Variants in ORC4 observed in about 807,000 individuals in gnomAD.
ORC4 encodes the protein origin recognition complex, subunit 4 homolog.
ORC4 carries 55 observed loss-of-function variants against 63.9 expected under a neutral mutation model. The observed-to-expected ratio is 0.86, with a 90% CI of 0.69 to 1.08. The LOEUF (loss-of-function observed/expected upper bound fraction) is 1.08. ORC4 is among the 50% of genes least tolerant of loss of function. ORC4 has a pLI of 0.00. For synonymous variants in ORC4, 150 were observed against 168.5 expected (o/e 0.89, Z 0.85); for missense variants, 511 against 504.4 (o/e 1.01, Z -0.13).
At chr2:147,974,537 A>G (rs575846842) in intron 2 of ORC4, among the ~76,000 whole-genome samples, 1 of 151,938 alleles carries the variant, frequency 6.6e-6, no homozygotes, top group South Asian at 2.1e-4. Context: ...TGGGAGGCTG[A>G]GGCAGGAGAA....
rs1687991912 is a variant in ORC4, at chr2:147,935,387, G to A, written c.*123C>T. The stretch of plus-strand genomic sequence containing the variant: ...AAGACACAGCCAAGACAGTAGATGG[G>A]CAAGTCTCACATAAATACAAGAATG... On this transcript the variant is annotated 3_prime_UTR_variant, in exon 14 of 14. Transcript: ENST00000392857. 1.3e-6 allele frequency: 1 copy of A among 752,550 alleles called. No homozygotes were observed. The highest frequency in any genetic ancestry group is 1.5e-5 in the South Asian group (1 of 66,104). 46.6% of individuals were successfully genotyped at this position (752,550 alleles called of 1,614,324 possible). A position where few individuals can be genotyped will look rare whatever the true frequency, so the allele number is the denominator to read the frequency against.
intron 9 of ORC4, 37 bp from the exon 10 acceptor site, chr2:147,943,559 A>G: frequency 7.9e-7 from 1 of 1,265,368 alleles, no homozygotes. Flanking sequence ...AAAATTGAGG[A>G]AAGATGTAGT....
chr2:147,991,256 C>A (rs970081512), intron 1 of ORC4, among the ~76,000 whole-genome samples: 2 of 151,956 alleles, frequency 1.3e-5, no homozygotes, highest in African/African-American at 4.8e-5. Flanking sequence ...CCATATTGGC[C>A]AGGCTGGTCT....
intron 1 of ORC4, among the ~76,000 whole-genome samples, chr2:148,002,667 T>C (rs540588312): frequency 6.6e-6 from 1 of 151,442 alleles, no homozygotes; most frequent in East Asian, 2.0e-4. Context: ...GCAGAAAAGA[T>C]CTAAAACCAA....
chr2:148,016,258 G>A (rs531440750), intron 1 of ORC4, among the ~76,000 whole-genome samples: 7 of 152,128 alleles, frequency 4.6e-5, no homozygotes, highest in East Asian at 1.9e-4. Context: ...GCTGGACCGC[G>A]AAGAAGCTCC....
At chr2:147,943,377 C>T in intron 10 of ORC4, 59 bp downstream of exon 10, 2 of 1,123,316 alleles carry the variant, frequency 1.8e-6, no homozygotes, top group African/African-American at 1.5e-5. Flanking sequence ...AAAGTGAGAC[C>T]CCGTCACTAT....
intron 1 of ORC4, among the ~76,000 whole-genome samples, chr2:147,994,301 A>T (rs1012165064): frequency 6.6e-6 from 1 of 152,190 alleles, no homozygotes; most frequent in African/African-American, 2.4e-5. Context: ...CTATAAATTC[A>T]ATGCAATCCC....
At chr2:147,985,245 G>A (rs984916448) in intron 1 of ORC4, among the ~76,000 whole-genome samples, 2 of 152,200 alleles carry the variant, frequency 1.3e-5, no homozygotes, top group Admixed American at 6.5e-5. Context: ...TGCCCAGGCT[G>A]GAGTGCAGTG....
chr2:147,970,235 A>C (rs1270992921), intron 4 of ORC4, among the ~76,000 whole-genome samples: 1 of 152,196 alleles, frequency 6.6e-6, no homozygotes, highest in East Asian at 1.9e-4. Context: ...CGGGAAGACT[A>C]AATATAGTTA....
chr2:147,965,160 G>C (rs1290659485), intron 4 of ORC4, among the ~76,000 whole-genome samples: 1 of 152,030 alleles, frequency 6.6e-6, no homozygotes. Context: ...AGGAGAAAGA[G>C]AAAGGATCAA....
chr2:147,940,429 G>A (rs1208051612), intron 10 of ORC4, among the ~76,000 whole-genome samples: 3 of 152,080 alleles, frequency 2.0e-5, no homozygotes, highest in East Asian at 1.9e-4. Flanking sequence ...AGGAAAAGAA[G>A]TTATTATTTG....
chr2:147,937,689 A>C (rs934921307), intron 13 of ORC4, among the ~76,000 whole-genome samples: 2 of 152,202 alleles, frequency 1.3e-5, no homozygotes, highest in Admixed American at 1.3e-4. Context: ...GTAGTGGACA[A>C]TGGTAATCTA....
chr2:147,987,941 T>C (rs533026217), intron 1 of ORC4, among the ~76,000 whole-genome samples: 10 of 151,352 alleles, frequency 6.6e-5, no homozygotes, highest in Non-Finnish European at 1.0e-4. Context: ...TAGTCCCAGC[T>C]ACTTGGGAGG....
intron 1 of ORC4, among the ~76,000 whole-genome samples, chr2:148,012,131 T>C (rs1693007248): frequency 6.6e-6 from 1 of 151,446 alleles, no homozygotes; most frequent in South Asian, 2.1e-4. Flanking sequence ...AGACCCCAAA[T>C]AGCCAAAACA....
At chr2:148,021,507 GCTGCTA>G (rs1693728519), upstream of ORC4, 9 of 576,204 alleles carry the variant, frequency 1.6e-5, no homozygotes, top group Admixed American at 1.9e-4. Context: ...TACTGCTGCT[GCTGCTA>G]CTGCTGCTGC....
intron 4 of ORC4, among the ~76,000 whole-genome samples, chr2:147,960,986 T>G (rs1428879845): frequency 2.6e-5 from 4 of 152,168 alleles, no homozygotes; most frequent in African/African-American, 9.7e-5. Context: ...GCCACACTAT[T>G]GCCTTTTTCA....
rs1687695922 is a variant in ORC4 at position 147,931,005 on chromosome 2, C to A, written c.*4505G>T. On this transcript the variant is annotated 3_prime_UTR_variant, in exon 14 of 14. Coordinates refer to ENST00000392857, the MANE Select transcript of ORC4 (RefSeq NM_181741.4). ...ATATCTCCTAATGCTATCCCTCCCC[C>A]ATCCCCCCACCCCACAACAGTCCCC... The A allele has an allele frequency of 6.9e-6, 1 of 145,232 alleles. No homozygotes were observed. Among genetic ancestry groups the A allele is most frequent in the South Asian group, 2.2e-4 (1 of 4,566 alleles). The allele number at this position is 145,232 out of a possible 1,614,324, so 9.0% of individuals were successfully genotyped here.
rs73005148 is a variant in ORC4, at chr2:147,977,400, T to C, written c.-17-1425A>G. Among the ~76,000 whole-genome samples, 393 of 152,310 alleles carry C rather than the reference T, an allele frequency of 2.6e-3. 1 individual carries two copies. Among genetic ancestry groups the C allele is most frequent in the African/African-American group, 8.8e-3 (367 of 41,550 alleles). On this transcript the variant is annotated intron_variant, in intron 1 of 13. Transcript: ENST00000392857. ...ATCAAATCACCAATGATTAACATTA[T>C]AATAATGCGAGAATGACAGCAGCAA...
chr2:148,018,009 G>A (rs11903941), intron 1 of ORC4, among the ~76,000 whole-genome samples: 2,534 of 152,224 alleles, frequency 0.017, 76 homozygotes, highest in African/African-American at 0.058. Context: ...TGCCATCCCA[G>A]AAGAGAGTAA....
Sources: gnomAD v4.1 joint callset for allele counts (sites outside exome capture counted in the v4.1 genomes callset) on GRCh38, gnomAD v4.1.1 for gene constraint, MANE v1.5 for transcripts, NCBI Gene and HGNC (gene_info 2026-07-23, HGNC 2026-07-21) for gene names.